The following PCLO variants were observed in gnomAD, a reference collection of about 807,000 sequenced individuals.
PCLO encodes the protein piccolo presynaptic cytomatrix protein, also known as protein piccolo.
Under a neutral mutation model 427.5 loss-of-function variants are expected in PCLO, and 82 were observed. That is an observed-to-expected ratio of 0.19 (90% CI 0.16 to 0.23). The LOEUF is 0.23. Among genes scored for constraint, PCLO ranks in the 10% least tolerant of loss-of-function variants. The probability of loss-of-function intolerance (pLI) is 1.00; values close to 1 mark genes in which losing one functional copy is unlikely to be tolerated. For synonymous variants in PCLO, 2,357 were observed against 2,155.4 expected (o/e 1.09, Z -2.59); for missense variants, 6,239 against 6,115.9 (o/e 1.02, Z -0.67).
In PCLO at chr7:83,079,317, T is replaced by C. The variant is rs111304741; in HGVS notation, c.3300+54933A>G. On this transcript the variant is annotated intron_variant, in intron 3 of 24. Transcript: ENST00000333891. ...GCCTATAAAAATAAGCCAGAAATTA[T>C]TTTTATTCTTATTTCTAAACCGGGT... is the stretch of plus-strand genomic sequence containing the variant. Among the ~76,000 whole-genome samples the C allele has an allele frequency of 2.1e-3, 324 of 152,240 alleles. 3 individuals carry two copies. Among genetic ancestry groups the C allele is most frequent in the Middle Eastern group, 0.01 (3 of 294 alleles).
intron 4 of PCLO, among the ~76,000 whole-genome samples, chr7:82,964,362 A>G (rs1311641935): frequency 6.6e-6 from 1 of 152,020 alleles, no homozygotes; most frequent in African/African-American, 2.4e-5. Context: ...AGTCAGACAT[A>G]TTGAGTTTGC....
chr7:82,806,671 A>G (rs1311775522), intron 20 of PCLO, among the ~76,000 whole-genome samples: 1 of 152,186 alleles, frequency 6.6e-6, no homozygotes, highest in African/African-American at 2.4e-5. Flanking sequence ...CTTCCGCCAG[A>G]GAGAGTGAAC....
In PCLO at chr7:82,758,729, G is replaced by A; in HGVS notation, c.15289-14C>T. On this transcript the variant is annotated splice_polypyrimidine_tract_variant and intron_variant, in intron 24 of 24. Coordinates refer to ENST00000333891, the MANE Select transcript of PCLO (RefSeq NM_033026.6). ...GAAAAGTAAAATCTAGAAAAAATAG[G>A]CAAAAATAAACATATTTAATTTATA... is the stretch of plus-strand genomic sequence containing the variant. 6.6e-7 allele frequency: 1 copy of A among 1,514,530 alleles called. No individual in the cohort carries two copies. The highest frequency in any genetic ancestry group is 1.1e-5 in the South Asian group (1 of 87,578). 93.8% of individuals were successfully genotyped at this position (1,514,530 alleles called of 1,614,324 possible). A position where few individuals can be genotyped will look rare whatever the true frequency, so the allele number is the denominator to read the frequency against.
At chr7:82,974,010 G>T (rs1460036498) in intron 3 of PCLO, among the ~76,000 whole-genome samples, 2 of 152,064 alleles carry the variant, frequency 1.3e-5, no homozygotes, top group African/African-American at 2.4e-5. Context: ...ATGAAAACTT[G>T]CTCTAATTTA....
intron 3 of PCLO, among the ~76,000 whole-genome samples, chr7:83,100,571 G>A (rs976324433): frequency 2.6e-5 from 4 of 152,180 alleles, no homozygotes; most frequent in Non-Finnish European, 5.9e-5. Flanking sequence ...ACCAAATACC[G>A]CATGTTCTCA....
intron 3 of PCLO, among the ~76,000 whole-genome samples, chr7:83,060,400 T>C (rs1247494308): frequency 1.3e-5 from 2 of 152,140 alleles, no homozygotes; most frequent in Non-Finnish European, 2.9e-5. Context: ...CTGCTCATTA[T>C]TGATTACTGT....
In PCLO at chr7:83,029,789, T is replaced by C. The variant is rs1282874427; in HGVS notation, c.3301-63302A>G. 3.7e-5 allele frequency among the ~76,000 whole-genome samples: 5 copies of C among 135,508 alleles called. No individual in the cohort carries two copies. In the Admixed American group the frequency reaches 3.8e-4, roughly 10 times the overall value. The allele number at this position is 135,508 out of a possible 152,430, so 88.9% of individuals were successfully genotyped here. ...TGGAATACTATGCAGCCATAAAAAA[T>C]GATGAGTTCACGTCCTTTGTAGGGA... On this transcript the variant is annotated intron_variant, in intron 3 of 24. Transcript: ENST00000333891.
At chr7:82,841,416 CA>C in intron 14 of PCLO, 42 bp downstream of exon 14, 7 of 1,275,048 alleles carry the variant, frequency 5.5e-6, no homozygotes, top group Non-Finnish European at 6.9e-6. Context: ...GCAAAACAAC[CA>C]AAAAAGGTTA....
Position 82,822,486 on chromosome 7 carries a change from G to A in PCLO, c.14791+9C>T, listed in dbSNP as rs1791817855. On this transcript the variant is annotated intron_variant, in intron 20 of 24. Coordinates refer to ENST00000333891, the MANE Select transcript of PCLO (RefSeq NM_033026.6). ...CTGCCATGCTGAGGAATTTATTTGC[G>A]TCTTTTACTTGGTTGAATGCGGAGT... 12 of 1,613,802 alleles carry A rather than the reference G, an allele frequency of 7.4e-6. No homozygotes were observed. The East Asian group carries it at 8.9e-5, about 12-fold the overall frequency.
In PCLO at chr7:82,982,552, G is replaced by A. The variant is rs915112616; in HGVS notation, c.3301-16065C>T. Reference sequence around the variant, plus strand: ...TCCTAGAATAGTCTCTTTATTTTGTGATTCAAGATAAAAAACAGACCTTTA... The same window carrying A: ...TCCTAGAATAGTCTCTTTATTTTGTAATTCAAGATAAAAAACAGACCTTTA... On this transcript the variant is annotated intron_variant, in intron 3 of 24. Coordinates refer to ENST00000333891, the MANE Select transcript of PCLO (RefSeq NM_033026.6). 2.6e-5 allele frequency among the ~76,000 whole-genome samples: 4 copies of A among 151,862 alleles called. No homozygotes were observed. The East Asian group carries it at 7.7e-4, about 29-fold the overall frequency.
At position 82,952,890 on chromosome 7, in the gene PCLO, C is replaced by A. The variant is rs1003433778; in HGVS notation, c.8063G>T (p.Ser2688Ile). 6 of 1,613,928 alleles carry A rather than the reference C, an allele frequency of 3.7e-6. No homozygotes were observed. The highest frequency in any genetic ancestry group is 3.3e-5 in the Admixed American group (2 of 60,022). The change falls in exon 5 of 25, where the codon AGT (serine) becomes ATT (isoleucine). Residue 2688 changes from serine to isoleucine, a missense_variant. Physicochemically the swap from Ser to Ile is moderately radical, Grantham distance 142. Around this residue, in one of 5 missense-constraint regions of PCLO, gnomAD observed 4,677 missense variants for 4,468.4 expected, o/e 1.05. Coordinates refer to ENST00000333891, the MANE Select transcript of PCLO (RefSeq NM_033026.6). Reference sequence around the variant, plus strand: ...TATGGAAATGCTGCTGAGACCAACACTAGGAGCTGTACTTCTGGTTGCTGA... The same window carrying A: ...TATGGAAATGCTGCTGAGACCAACAATAGGAGCTGTACTTCTGGTTGCTGA... ...EVSATRSTAP[S>I]VGLSSISITI...
chr7:83,092,607 T>A (rs1288263193), intron 3 of PCLO, among the ~76,000 whole-genome samples: 3 of 152,128 alleles, frequency 2.0e-5, no homozygotes, highest in African/African-American at 7.2e-5. Flanking sequence ...GGAAGAGTAG[T>A]GATCCCTACC....
rs28853419 is a variant in PCLO at position 82,999,834 on chromosome 7, A to T, written c.3301-33347T>A. Among the ~76,000 whole-genome samples, 63 of 14,130 alleles carry T rather than the reference A, an allele frequency of 4.5e-3. 13 individuals are homozygous for T. Among genetic ancestry groups the T allele is most frequent in the South Asian group, 0.031 (10 of 320 alleles). The allele number at this position is 14,130 out of a possible 152,430, so 9.3% of individuals were successfully genotyped here. A position where few individuals can be genotyped will look rare whatever the true frequency, so the allele number is the denominator to read the frequency against. ...ATATAAAATATAATATATAATATTAAATATAAAATATAATATATAATATTA... is the reference window on the plus strand; with the variant it reads ...ATATAAAATATAATATATAATATTATATATAAAATATAATATATAATATTA... On this transcript the variant is annotated intron_variant, in intron 3 of 24. Transcript: ENST00000333891.
At chr7:83,142,537 G>C (rs543539992) in intron 2 of PCLO, among the ~76,000 whole-genome samples, 1 of 152,046 alleles carries the variant, frequency 6.6e-6, no homozygotes, top group Admixed American at 6.6e-5. Flanking sequence ...CATCATCAAT[G>C]AACATCTGCT....
At chr7:82,900,884 T>A (rs1794022022) in intron 9 of PCLO, among the ~76,000 whole-genome samples, 1 of 151,676 alleles carries the variant, frequency 6.6e-6, no homozygotes, top group South Asian at 2.1e-4. Context: ...TTTTTGGAAA[T>A]CCAAAATTAT....
intron 13 of PCLO, among the ~76,000 whole-genome samples, chr7:82,842,643 T>C (rs1334085057): frequency 6.6e-6 from 1 of 152,078 alleles, no homozygotes; most frequent in Non-Finnish European, 1.5e-5. Flanking sequence ...GAGAAAATAT[T>C]TGCAAACCGT....
At chr7:83,153,845 C>T (rs1792199502) in intron 2 of PCLO, among the ~76,000 whole-genome samples, 3 of 151,964 alleles carry the variant, frequency 2.0e-5, no homozygotes, top group African/African-American at 7.3e-5. Context: ...TTTCTTAATG[C>T]CAGAGAATTT....
At chr7:83,160,048 T>G (rs1792394075) in intron 1 of PCLO, among the ~76,000 whole-genome samples, 1 of 152,152 alleles carries the variant, frequency 6.6e-6, no homozygotes, top group East Asian at 1.9e-4. Context: ...ACAATTTGTC[T>G]GTAGCCATCG....
At chr7:82,990,116 G>A (rs1427583912) in intron 3 of PCLO, among the ~76,000 whole-genome samples, 1 of 152,154 alleles carries the variant, frequency 6.6e-6, no homozygotes, top group East Asian at 1.9e-4. Context: ...AGGTAGCCAT[G>A]AAGATACCCT....
Sources: gnomAD v4.1 joint callset for allele counts (sites outside exome capture counted in the v4.1 genomes callset) on GRCh38, gnomAD v4.1.1 for gene constraint, gnomAD v4.1.1 regional missense constraint, MANE v1.5 for transcripts, NCBI Gene and HGNC (gene_info 2026-07-23, HGNC 2026-07-21) for gene names.